The following MACROH2A2 variants were observed in gnomAD, a reference collection of about 807,000 sequenced individuals.
MACROH2A2 encodes core histone macro-H2A.2.
A neutral mutation model predicts 37.6 loss-of-function variants in MACROH2A2; 6 were observed. The observed-to-expected ratio is 0.16, with a 90% CI of 0.09 to 0.32. The LOEUF (loss-of-function observed/expected upper bound fraction) is 0.32, where lower values mean the gene tolerates loss of function less well. Among genes scored for constraint, MACROH2A2 ranks in the 10% least tolerant of loss-of-function variants. The pLI, the probability that MACROH2A2 is intolerant of heterozygous loss-of-function variation, is 1.00. For synonymous variants in MACROH2A2, 192 were observed against 202.7 expected, an observed-to-expected ratio of 0.95 and a Z score of 0.45; for missense variants, 290 against 485.9, an observed-to-expected ratio of 0.60 and a Z score of 3.79.
rs1461118808 is a variant in MACROH2A2 at position 70,109,224 on chromosome 10, C to A, written c.953+17C>A. The A allele has an allele frequency of 6.2e-7, 1 of 1,606,850 alleles. No individual in the cohort carries two copies. Among genetic ancestry groups the A allele is most frequent in the South Asian group, 1.1e-5 (1 of 90,932 alleles). On this transcript the variant is annotated intron_variant, in intron 8 of 8. Transcript: ENST00000373255. Reference sequence around the variant, plus strand: ...CAGCGGCAGGTAAGATGCAGTTCCCCTGAGTTGATTCCTCCGGCTTTTTCC... The same window carrying A: ...CAGCGGCAGGTAAGATGCAGTTCCCATGAGTTGATTCCTCCGGCTTTTTCC...
In MACROH2A2 at chr10:70,054,867, C is replaced by T. The variant is rs190009454; in HGVS notation, c.-60+1867C>T. Among the ~76,000 whole-genome samples, 112 of 152,324 alleles carry T rather than the reference C, an allele frequency of 7.4e-4. 1 individual carries two copies. Among genetic ancestry groups the T allele is most frequent in the Admixed American group, 1.2e-3 (18 of 15,296 alleles). ...TAGCCAAATTTCCTTTTAAAACATG[C>T]CCAGTTCTCCTCTTCTCTGGTTTTT... is the stretch of plus-strand genomic sequence containing the variant. On this transcript the variant is annotated intron_variant, in intron 1 of 8. Coordinates refer to ENST00000373255, the MANE Select transcript of MACROH2A2 (RefSeq NM_018649.3).
At chr10:70,079,960 G>A (rs1310774440) in intron 2 of MACROH2A2, among the ~76,000 whole-genome samples, 1 of 152,150 alleles carries the variant, frequency 6.6e-6, no homozygotes, top group Non-Finnish European at 1.5e-5. Flanking sequence ...TGGACTTGGA[G>A]ACAAAAGGAG....
intron 1 of MACROH2A2, among the ~76,000 whole-genome samples, chr10:70,066,789 G>A (rs541454457): frequency 3.9e-5 from 6 of 152,262 alleles, no homozygotes; most frequent in African/African-American, 1.4e-4. Flanking sequence ...GCACGTACAC[G>A]GAGCAGCAAA....
Position 70,091,967 on chromosome 10 carries a change from T to A in MACROH2A2, c.477+13T>A. Reference sequence around the variant, plus strand: ...GACGTCCAAAAAGGTAGGCCGAGGCTGCGTGTCCTGGGCCAGGCACTCCCA... The same window carrying A: ...GACGTCCAAAAAGGTAGGCCGAGGCAGCGTGTCCTGGGCCAGGCACTCCCA... On this transcript the variant is annotated intron_variant, in intron 4 of 8. Transcript: ENST00000373255. 1 of 1,607,518 alleles carries A rather than the reference T, an allele frequency of 6.2e-7. No homozygotes were observed. Among genetic ancestry groups the A allele is most frequent in the South Asian group, 1.1e-5 (1 of 90,844 alleles).
At chr10:70,092,219 T>C (rs1312558369) in intron 4 of MACROH2A2, among the ~76,000 whole-genome samples, 1 of 152,150 alleles carries the variant, frequency 6.6e-6, no homozygotes, top group Non-Finnish European at 1.5e-5. Context: ...AGTGAGCCCT[T>C]GCCAGACACA....
In MACROH2A2 at chr10:70,075,510, A is replaced by G; in HGVS notation, c.-59-90A>G. ...TCAGCTGCCTCCCCAGGGCAGTCAG[A>G]GGTGTCACAGTGGTGCCCAAGGGCC... On this transcript the variant is annotated intron_variant, in intron 1 of 8. Coordinates refer to ENST00000373255, the MANE Select transcript of MACROH2A2 (RefSeq NM_018649.3). The surrounding 1 kb of genome is among the most constrained non-coding windows in gnomAD (Gnocchi z 5.0). The G allele has an allele frequency of 1.4e-6, 1 of 712,282 alleles. No individual in the cohort carries two copies. The highest frequency in any genetic ancestry group is 2.4e-6 in the Non-Finnish European group (1 of 417,056). The allele number at this position is 712,282 out of a possible 1,614,324, so 44.1% of individuals were successfully genotyped here. A position where few individuals can be genotyped will look rare whatever the true frequency, so the allele number is the denominator to read the frequency against.
At chr10:70,058,606 C>T (rs542221678) in intron 1 of MACROH2A2, among the ~76,000 whole-genome samples, 3 of 152,026 alleles carry the variant, frequency 2.0e-5, no homozygotes, top group African/African-American at 7.2e-5. Context: ...GAACCCAGGC[C>T]CCATGCTGGC....
intron 7 of MACROH2A2, among the ~76,000 whole-genome samples, chr10:70,100,850 C>G (rs1362981307): frequency 1.3e-5 from 2 of 152,186 alleles, no homozygotes; most frequent in Non-Finnish European, 2.9e-5. Flanking sequence ...GTCCTAACCT[C>G]AAGTGATCCA....
At chr10:70,095,577 T>C in intron 5 of MACROH2A2, 77 bp from the exon 6 acceptor site, 2 of 756,886 alleles carry the variant, frequency 2.6e-6, no homozygotes. Context: ...AGAGAATTAA[T>C]GAATGCAAGT....
rs1162564669 is a variant in MACROH2A2, at chr10:70,095,648, A to AT, written c.589-5dup. On this transcript the variant is annotated splice_region_variant and splice_polypyrimidine_tract_variant and intron_variant, in intron 5 of 8. Coordinates refer to ENST00000373255, the MANE Select transcript of MACROH2A2 (RefSeq NM_018649.3). ...CCACATTCACCACCTTTTCTTCCTA[A>AT]TGCAGCTGTCCTTAACCCAGAGTGA... 3 of 1,383,162 alleles carry AT rather than the reference A, an allele frequency of 2.2e-6. No individual in the cohort carries two copies. In the South Asian group the frequency reaches 3.6e-5, roughly 16 times the overall value. 85.7% of individuals were successfully genotyped at this position (1,383,162 alleles called of 1,614,324 possible).
intron 1 of MACROH2A2, among the ~76,000 whole-genome samples, chr10:70,068,950 G>T (rs912571879): frequency 2.0e-5 from 3 of 152,144 alleles, no homozygotes; most frequent in Non-Finnish European, 4.4e-5. Flanking sequence ...AATAATAAAT[G>T]CTCCATAAAT....
intron 1 of MACROH2A2, among the ~76,000 whole-genome samples, chr10:70,056,337 T>C (rs1299600169): frequency 6.6e-6 from 1 of 152,230 alleles, no homozygotes; most frequent in Non-Finnish European, 1.5e-5. Flanking sequence ...AACCTCCATC[T>C]CCTAGGCTCA....
At chr10:70,088,176 C>T (rs1348682807) in intron 2 of MACROH2A2, among the ~76,000 whole-genome samples, 3 of 150,794 alleles carry the variant, frequency 2.0e-5, no homozygotes, top group Admixed American at 6.6e-5. Flanking sequence ...CACACACACG[C>T]ACACATATGC....
At chr10:70,093,428 G>A (rs554523876) in intron 4 of MACROH2A2, among the ~76,000 whole-genome samples, 71 of 152,338 alleles carry the variant, frequency 4.7e-4, no homozygotes, top group African/African-American at 9.6e-4. Context: ...ACCCAGCTCC[G>A]ATGCTTGTCG....
chr10:70,063,974 G>T (rs953977159), intron 1 of MACROH2A2, among the ~76,000 whole-genome samples: 5 of 152,226 alleles, frequency 3.3e-5, no homozygotes, highest in African/African-American at 9.7e-5. Flanking sequence ...ACAGCTCGGT[G>T]AATTATCCTT....
In MACROH2A2 at chr10:70,107,498, GC is replaced by G. The variant is rs1427564356; in HGVS notation, c.779-1534del. Among the ~76,000 whole-genome samples, 9 of 152,316 alleles carry G rather than the reference GC, an allele frequency of 5.9e-5. No homozygotes were observed. Among genetic ancestry groups the G allele is most frequent in the Admixed American group, 3.3e-4 (5 of 15,306 alleles). ...CAGGGCGCAGACGGGCAGCGTGGGG[GC>G]AAGCATGGCTCATGGCTGAAGCTGC... is the stretch of plus-strand genomic sequence containing the variant. On this transcript the variant is annotated intron_variant, in intron 7 of 8. Transcript: ENST00000373255. The surrounding 1 kb of genome is among the most constrained non-coding windows in gnomAD (Gnocchi z 4.4).
intron 6 of MACROH2A2, among the ~76,000 whole-genome samples, chr10:70,096,437 T>C (rs1261254182): frequency 6.6e-6 from 1 of 152,202 alleles, no homozygotes; most frequent in East Asian, 1.9e-4. Context: ...GAGAGTGCTA[T>C]TGATAAAAGG....
At chr10:70,060,703 A>T (rs1018755964) in intron 1 of MACROH2A2, among the ~76,000 whole-genome samples, 4 of 152,260 alleles carry the variant, frequency 2.6e-5, no homozygotes, top group African/African-American at 9.6e-5. Context: ...TGCTCAGAGA[A>T]GTAAAGAATG....
At chr10:70,089,525 T>G (rs4746952) in intron 2 of MACROH2A2, among the ~76,000 whole-genome samples, 63,085 of 151,936 alleles carry the variant, frequency 0.42, 13,885 homozygotes, top group African/African-American at 0.55. Flanking sequence ...GCTTGCCTTC[T>G]TTGGCCAAAT....
Sources: gnomAD v4.1 joint callset for allele counts (sites outside exome capture counted in the v4.1 genomes callset) on GRCh38, gnomAD v4.1.1 for gene constraint, Gnocchi (gnomAD v3.1) non-coding constraint, MANE v1.5 for transcripts, NCBI Gene and HGNC (gene_info 2026-07-23, HGNC 2026-07-21) for gene names.